CCSER1: variants seen among roughly 807,000 people sequenced by gnomAD.
The protein encoded by CCSER1 is coiled-coil serine rich protein 1, also known as serine-rich coiled-coil domain-containing protein 1.
In CCSER1, 41 loss-of-function variants were observed where a neutral mutation model predicts 82.0. The observed-to-expected ratio is 0.50, with a 90% CI of 0.39 to 0.65. CCSER1 has a LOEUF of 0.65. Ranked by LOEUF, CCSER1 falls within the 30% of genes least tolerant of loss-of-function variation. The pLI, the probability that CCSER1 is intolerant of heterozygous loss-of-function variation, is 0.00. For missense variants in CCSER1, 1,119 were observed against 1,064.2 expected, an observed-to-expected ratio of 1.05 and a Z score of -0.72; for synonymous variants, 414 against 383.9, an observed-to-expected ratio of 1.08 and a Z score of -0.92.
chr4:90,602,981 C>G (rs886075928), intron 5 of CCSER1, among the ~76,000 whole-genome samples: 2 of 152,142 alleles, frequency 1.3e-5, no homozygotes, highest in Non-Finnish European at 2.9e-5. Flanking sequence ...AGCCTTAGTA[C>G]CATGGAAAGT....
chr4:91,103,704 G>C (rs971442114), intron 10 of CCSER1, among the ~76,000 whole-genome samples: 1 of 152,052 alleles, frequency 6.6e-6, no homozygotes, highest in Non-Finnish European at 1.5e-5. Context: ...TGTCACCTCA[G>C]GACCACTGTG....
At chr4:91,158,333 A>G (rs1731027296) in intron 10 of CCSER1, among the ~76,000 whole-genome samples, 1 of 151,994 alleles carries the variant, frequency 6.6e-6, no homozygotes, top group South Asian at 2.1e-4. Context: ...GTGCCCTGCA[A>G]GGCAGCATCC....
At chr4:91,093,179 ACAT>A (rs1320941829) in intron 10 of CCSER1, among the ~76,000 whole-genome samples, 1 of 152,176 alleles carries the variant, frequency 6.6e-6, no homozygotes, top group Non-Finnish European at 1.5e-5. Context: ...GGCTTCAATA[ACAT>A]CATCCAAAGT....
In CCSER1 at chr4:90,308,391, G is replaced by T. The variant is rs1734687123; in HGVS notation, c.107G>T (p.Ser36Ile). The change falls in exon 2 of 11, where the codon AGT becomes ATT. Residue 36 changes from serine (S) to isoleucine (I), a missense_variant. By Grantham distance (142) the Ser-to-Ile change is moderately radical. Transcript: ENST00000509176. Reference sequence around the variant, plus strand: ...TCTCTTCCTTCTTCACCTTCTTCCAGTAATACAGTTGGTGTCCACAGTTCC... The same window carrying T: ...TCTCTTCCTTCTTCACCTTCTTCCATTAATACAGTTGGTGTCCACAGTTCC... ...HDSLPSSPSS[S>I]NTVGVHSSSP... The T allele has an allele frequency of 6.2e-7, 1 of 1,613,732 alleles. No individual in the cohort carries two copies. The highest frequency in any genetic ancestry group is 1.1e-5 in the South Asian group (1 of 91,070).
intron 9 of CCSER1, among the ~76,000 whole-genome samples, chr4:91,049,270 G>C (rs1207014761): frequency 1.3e-5 from 2 of 152,164 alleles, no homozygotes; most frequent in Non-Finnish European, 2.9e-5. Context: ...TACAGAAATT[G>C]GATCTCGGAA....
chr4:91,500,548 C>G lies in CCSER1; in HGVS notation c.2218-98024C>G, dbSNP rs114034434. Among the ~76,000 whole-genome samples the G allele has an allele frequency of 2.1e-3, 319 of 152,036 alleles. 1 individual carries two copies. The highest frequency in any genetic ancestry group is 7.3e-3 in the African/African-American group (305 of 41,516). On this transcript the variant is annotated intron_variant, in intron 10 of 10. Transcript: ENST00000509176. Reference sequence around the variant, plus strand: ...GATTCTTCTTTTGTAGCTTTGACTACAGTCAATTTTTGTGAATGTTTCATG... The same window carrying G: ...GATTCTTCTTTTGTAGCTTTGACTAGAGTCAATTTTTGTGAATGTTTCATG...
chr4:90,744,572 A>G (rs2149453979), intron 7 of CCSER1, among the ~76,000 whole-genome samples: 1 of 152,332 alleles, frequency 6.6e-6, no homozygotes, highest in South Asian at 2.1e-4. Context: ...TATTAAAATA[A>G]TAGACTTTAC....
At chr4:90,728,267 A>G (rs2149391687) in intron 7 of CCSER1, among the ~76,000 whole-genome samples, 1 of 152,282 alleles carries the variant, frequency 6.6e-6, no homozygotes, top group African/African-American at 2.4e-5. Context: ...AGGTTCTCTG[A>G]CTTCTTTTCC....
Position 90,630,136 on chromosome 4 carries a change from T to C in CCSER1, c.1932+1904T>C, listed in dbSNP as rs371289688. 3.2e-3 allele frequency among the ~76,000 whole-genome samples: 347 copies of C among 109,314 alleles called. 1 individual carries two copies. Among genetic ancestry groups the C allele is most frequent in the African/African-American group, 0.022 (325 of 14,454 alleles). 71.7% of individuals were successfully genotyped at this position (109,314 alleles called of 152,430 possible). A position where few individuals can be genotyped will look rare whatever the true frequency, so the allele number is the denominator to read the frequency against. On this transcript the variant is annotated intron_variant, in intron 6 of 10. Coordinates refer to ENST00000509176, the MANE Select transcript of CCSER1 (RefSeq NM_001145065.2). Reference sequence around the variant, plus strand: ...GCACATTACTATGTGTATAACTGTATGATTCTATACTGACAACATAAATAT... The same window carrying C: ...GCACATTACTATGTGTATAACTGTACGATTCTATACTGACAACATAAATAT...
At chr4:91,248,512 A>C (rs1739991738) in intron 10 of CCSER1, among the ~76,000 whole-genome samples, 1 of 152,200 alleles carries the variant, frequency 6.6e-6, no homozygotes, top group Non-Finnish European at 1.5e-5. Flanking sequence ...AAAAACTCAT[A>C]ACTTCAGAAT....
Position 91,378,519 on chromosome 4 carries a change from A to T in CCSER1, c.2218-220053A>T, listed in dbSNP as rs141879962. 7.6e-3 allele frequency among the ~76,000 whole-genome samples: 1,154 copies of T among 152,258 alleles called. 17 individuals carry two copies. The highest frequency in any genetic ancestry group is 0.026 in the African/African-American group (1,092 of 41,538). ...TTTATTCTCTTTGAAGCAATTGTAA[A>T]TGGGAGTTCACTCATGATTTGGCTC... On this transcript the variant is annotated intron_variant, in intron 10 of 10. Transcript: ENST00000509176.
Position 91,545,671 on chromosome 4 carries a change from A to T in CCSER1, c.2218-52901A>T, listed in dbSNP as rs532547832. On this transcript the variant is annotated intron_variant, in intron 10 of 10. Transcript: ENST00000509176. The stretch of plus-strand genomic sequence containing the variant: ...CTTGCTATCTTTACATATTAGATCC[A>T]GAAGGGCTTCTTTTGTTTATTTTTT... Among the ~76,000 whole-genome samples the T allele has an allele frequency of 5.3e-5, 8 of 152,230 alleles. No homozygotes were observed. The South Asian group carries it at 8.3e-4, about 16-fold the overall frequency.
intron 4 of CCSER1, among the ~76,000 whole-genome samples, chr4:90,424,097 A>G (rs1011010986): frequency 6.6e-6 from 1 of 152,006 alleles, no homozygotes; most frequent in Non-Finnish European, 1.5e-5. Flanking sequence ...TCTCAAAAAA[A>G]AAAAAAAGAA....
intron 5 of CCSER1, among the ~76,000 whole-genome samples, chr4:90,617,838 A>AT (rs145067089): frequency 1.5e-4 from 23 of 152,004 alleles, no homozygotes; most frequent in African/African-American, 4.3e-4. Flanking sequence ...AATCTCAAGG[A>AT]TTTTTTTGTT....
rs573832232 is a variant in CCSER1, at chr4:90,962,681, C to T, written c.2172+39234C>T. Among the ~76,000 whole-genome samples the T allele has an allele frequency of 4.6e-5, 7 of 152,194 alleles. No homozygotes were observed. In the South Asian group the frequency reaches 1.5e-3, roughly 32 times the overall value. ...CAAGCAAGAAATATTTAGTAGGGTA[C>T]TGTACATTAGAGATGACAGAATATT... is the stretch of plus-strand genomic sequence containing the variant. On this transcript the variant is annotated intron_variant, in intron 9 of 10. Transcript: ENST00000509176.
intron 10 of CCSER1, among the ~76,000 whole-genome samples, chr4:91,120,006 G>C (rs1271897174): frequency 6.6e-6 from 1 of 151,848 alleles, no homozygotes; most frequent in Non-Finnish European, 1.5e-5. Context: ...TAATAAAACT[G>C]ACATGTACAA....
At chr4:91,546,976 T>TC (rs950153293) in intron 10 of CCSER1, among the ~76,000 whole-genome samples, 8 of 150,736 alleles carry the variant, frequency 5.3e-5, no homozygotes, top group Non-Finnish European at 7.4e-5. Context: ...AGTTTTCTTT[T>TC]TTTTTTTTTT....
chr4:91,514,584 T>G (rs1478601324), intron 10 of CCSER1, among the ~76,000 whole-genome samples: 1 of 151,914 alleles, frequency 6.6e-6, no homozygotes, highest in Non-Finnish European at 1.5e-5. Context: ...CAGGTAAGCC[T>G]TTTTATACAT....
intron 3 of CCSER1, among the ~76,000 whole-genome samples, chr4:90,384,687 AG>A (rs1749741701): frequency 6.6e-6 from 1 of 152,126 alleles, no homozygotes; most frequent in Non-Finnish European, 1.5e-5. Context: ...CAGTCATCCA[AG>A]GCTTCTCTAT....
Sources: gnomAD v4.1 joint callset for allele counts (sites outside exome capture counted in the v4.1 genomes callset) on GRCh38, gnomAD v4.1.1 for gene constraint, MANE v1.5 for transcripts, NCBI Gene and HGNC (gene_info 2026-07-23, HGNC 2026-07-21) for gene names.